Variants in WDR62 observed in about 807,000 individuals in gnomAD.
WDR62 encodes the protein WD repeat domain 62.
Under a neutral mutation model 160.6 loss-of-function variants are expected in WDR62, and 112 were observed. The observed-to-expected ratio is 0.70, with a 90% CI of 0.60 to 0.82. The LOEUF is 0.82. Ranked by LOEUF, WDR62 falls within the 40% of genes least tolerant of loss-of-function variation. WDR62 has a pLI of 0.00. For missense variants in WDR62, 1,819 were observed against 1,983.8 expected (o/e 0.92, Z 1.58); for synonymous variants, 792 against 815.1 (o/e 0.97, Z 0.48).
At chr19:36,057,245 A>T (rs1970418171) in intron 1 of WDR62, among the ~76,000 whole-genome samples, 1 of 152,228 alleles carries the variant, frequency 6.6e-6, no homozygotes. Flanking sequence ...CAACACTGGC[A>T]TATGGCAAGT....
intron 12 of WDR62, among the ~76,000 whole-genome samples, chr19:36,085,315 C>T (rs1433583087): frequency 1.3e-5 from 2 of 151,516 alleles, no homozygotes; most frequent in Non-Finnish European, 2.9e-5. Flanking sequence ...GGGGTTTCAC[C>T]ATGTTGGCCA....
chr19:36,084,800 A>G, intron 12 of WDR62, 56 bp downstream of exon 12: 1 of 1,538,178 alleles, frequency 6.5e-7, no homozygotes, highest in Non-Finnish European at 8.9e-7. Context: ...CCCCCCTGGC[A>G]GGGCCACAGA....
chr19:36,067,849 G>T lies in WDR62; in HGVS notation c.721G>T (p.Val241Leu). 1 of 1,614,176 alleles carries T rather than the reference G, an allele frequency of 6.2e-7. No homozygotes were observed. Among genetic ancestry groups the T allele is most frequent in the Non-Finnish European group, 8.5e-7 (1 of 1,180,044 alleles). The change falls in exon 7 of 32, where the codon GTA becomes TTA. Residue 241 changes from valine (V) to leucine (L), a missense_variant. Physicochemically the swap from Val to Leu is conservative, Grantham distance 32. This residue lies in a region of WDR62 where 934 missense variants were observed against 1,157.2 expected (regional missense o/e 0.81). Transcript: ENST00000401500. ...ETKVTSTVPL[V>L]GRSGILGELH... Reference sequence around the variant, plus strand: ...CCAGGTGACGAGCACAGTGCCCCTTGTAGGGCGCTCGGGCATCCTGGGCGA... The same window carrying T: ...CCAGGTGACGAGCACAGTGCCCCTTTTAGGGCGCTCGGGCATCCTGGGCGA...
rs1972601545 is a variant in WDR62 at position 36,091,429 on chromosome 19, A to G, written c.2174A>G (p.Tyr725Cys). Reference protein sequence around the residue: ...SEIITSMKFTYDCHHLITVSG... With the variant: ...SEIITSMKFTCDCHHLITVSG... ...ATTATTACCAGCATGAAGTTCACCTATGACTGTCATCACTTGATCACAGTA... is the reference window on the plus strand; with the variant it reads ...ATTATTACCAGCATGAAGTTCACCTGTGACTGTCATCACTTGATCACAGTA... The change falls in exon 18 of 32, where the codon TAT becomes TGT. Residue 725 changes from tyrosine (Y) to cysteine (C), a missense_variant. By Grantham distance (194) the Tyr-to-Cys change is radical. This residue lies in a region of WDR62 where 934 missense variants were observed against 1,157.2 expected (regional missense o/e 0.81). Transcript: ENST00000401500. 1.2e-6 allele frequency: 2 copies of G among 1,614,074 alleles called. No homozygotes were observed. The highest frequency in any genetic ancestry group is 1.1e-5 in the South Asian group (1 of 91,076).
In WDR62 at chr19:36,066,375, T is replaced by A. The variant is rs761010604; in HGVS notation, c.509T>A (p.Ile170Asn). The change falls in exon 5 of 32, where the codon ATC becomes AAC. Residue 170 changes from isoleucine (I) to asparagine (N), a missense_variant. Transcript: ENST00000401500. ...GCCTTCTCACCCAATATGAAGCACA[T>A]CGTGTCCATGGGCTACCAACATGAC... is the stretch of plus-strand genomic sequence containing the variant. Reference protein sequence around the residue: ...CVAFSPNMKHIVSMGYQHDMV... With the variant: ...CVAFSPNMKHNVSMGYQHDMV... 6.2e-7 allele frequency: 1 copy of A among 1,613,244 alleles called. No homozygotes were observed. The highest frequency in any genetic ancestry group is 1.1e-5 in the South Asian group (1 of 90,920).
At chr19:36,087,883 G>A (rs142229417) in intron 13 of WDR62, among the ~76,000 whole-genome samples, 197 of 152,314 alleles carry the variant, frequency 1.3e-3, no homozygotes, top group African/African-American at 4.5e-3. Flanking sequence ...ACAGTTCTTA[G>A]GAGCAAGGTT....
intron 19 of WDR62, among the ~76,000 whole-genome samples, chr19:36,093,063 C>T (rs1599823062): frequency 6.6e-6 from 1 of 152,206 alleles, no homozygotes; most frequent in South Asian, 2.1e-4. Flanking sequence ...TCTTGAACTC[C>T]TGGGCCCAAG....
rs774938876 is a variant in WDR62, at chr19:36,097,033, G to A, written c.2474G>A (p.Arg825His). 1.2e-5 allele frequency: 19 copies of A among 1,612,590 alleles called. No individual in the cohort carries two copies. Among genetic ancestry groups the A allele is most frequent in the South Asian group, 2.2e-5 (2 of 90,670 alleles). ...GGATTCTGTGTCTTTCCAGATCCTC[G>A]TTGCCTGCTAACCAACGGCAAGCTG... is the stretch of plus-strand genomic sequence containing the variant. ...PSKDSLDPDP[R>H]CLLTNGKLPL... The change falls in exon 21 of 32, where the codon CGT becomes CAT. Residue 825 changes from arginine to histidine, a missense_variant. Arg to His is a conservative substitution (Grantham distance 29). Around this residue, in one of 3 missense-constraint regions of WDR62, gnomAD observed 934 missense variants for 1,157.2 expected, o/e 0.81. Transcript: ENST00000401500.
intron 1 of WDR62, among the ~76,000 whole-genome samples, chr19:36,055,538 G>A (rs1817686540): frequency 6.6e-6 from 1 of 152,088 alleles, no homozygotes; most frequent in South Asian, 2.1e-4. Flanking sequence ...TCGAGGGTTC[G>A]GTCCAGAGTG....
Position 36,092,756 on chromosome 19 carries a change from G to A in WDR62, c.2278G>A (p.Asp760Asn), listed in dbSNP as rs770973744. Residue 760 changes from aspartate to asparagine, a missense_variant, in exon 19 of 32, where the codon GAC becomes AAC. Around this residue, in one of 3 missense-constraint regions of WDR62, gnomAD observed 934 missense variants for 1,157.2 expected, o/e 0.81. Transcript: ENST00000401500. ...CATGAAGCAGCACTTGCTGGAGATT[G>A]ACCACCGGCAGCAGCAGCAGCACAC... ...NCMKQHLLEI[D>N]HRQQQQHTND... The A allele has an allele frequency of 3.1e-6, 5 of 1,614,028 alleles. No homozygotes were observed. The highest frequency in any genetic ancestry group is 1.1e-5 in the South Asian group (1 of 91,068).
At chr19:36,085,433 T>TTTTTTTTTTTG (rs1972160722) in intron 12 of WDR62, among the ~76,000 whole-genome samples, 1 of 124,560 alleles carries the variant, frequency 8.0e-6, no homozygotes, top group Non-Finnish European at 1.7e-5. Flanking sequence ...TTTTTTTTTT[T>TTTTTTTTTTTG]TTTTGAGACA....
chr19:36,073,614 C>A, intron 9 of WDR62, 83 bp downstream of exon 9: 1 of 1,135,488 alleles, frequency 8.8e-7, no homozygotes, highest in Non-Finnish European at 1.3e-6. Context: ...GTAATTCCTT[C>A]AGAAGATACT....
At chr19:36,055,262 T>TCCCTGCCATGCCTCGTC (rs1456176239) in intron 1 of WDR62, 114 bp downstream of exon 1, 27 of 1,190,634 alleles carry the variant, frequency 2.3e-5, no homozygotes, top group African/African-American at 3.0e-5. Flanking sequence ...CTCAGGTTGT[T>TCCCTGCCATGCCTCGTC]CCCTGCCATG....
intron 10 of WDR62, chr19:36,081,935 A>G: frequency 2.1e-6 from 1 of 467,980 alleles, no homozygotes; most frequent in Non-Finnish European, 4.2e-6. Flanking sequence ...GCTGCCACAC[A>G]GTGAGGCCTC....
At chr19:36,102,212 G>A (rs1489768952) in intron 26 of WDR62, 61 bp downstream of exon 26, 4 of 1,612,752 alleles carry the variant, frequency 2.5e-6, no homozygotes, top group African/African-American at 1.3e-5. Flanking sequence ...CACAGCATTG[G>A]CGTCCCTGGA....
chr19:36,089,120 C>T lies in WDR62; in HGVS notation c.1836+15C>T. 1 of 1,613,972 alleles carries T rather than the reference C, an allele frequency of 6.2e-7. No individual in the cohort carries two copies. Among genetic ancestry groups the T allele is most frequent in the Non-Finnish European group, 8.5e-7 (1 of 1,179,980 alleles). On this transcript the variant is annotated intron_variant, in intron 14 of 31. Transcript: ENST00000401500. ...GTGCCCAGCAGGTAGGGTGGCATGG[C>T]CTCCTTGGGGGCTGGGGTGGGGGGT...
intron 13 of WDR62, among the ~76,000 whole-genome samples, chr19:36,087,800 CAA>C (rs945683888): frequency 2.6e-5 from 4 of 152,010 alleles, no homozygotes; most frequent in Non-Finnish European, 5.9e-5. Flanking sequence ...GTCTGGGTAA[CAA>C]GAGCAAAACT....
rs587784559 is a variant in WDR62 at position 36,103,439 on chromosome 19, G to T, written c.3611G>T (p.Gly1204Val). ...ACGCCCACATCTGCACCCACCCCAG[G>T]CCTGGCTCAGGGTGTCCATGCCCCC... ...LPTPTSAPTP[G>V]LAQGVHAPST... The change falls in exon 30 of 32, where the codon GGC becomes GTC. Residue 1204 changes from glycine (G) to valine (V), a missense_variant. By Grantham distance (109) the Gly-to-Val change is moderately radical. Around this residue, in one of 3 missense-constraint regions of WDR62, gnomAD observed 770 missense variants for 734.2 expected, o/e 1.05. Coordinates refer to ENST00000401500, the MANE Select transcript of WDR62 (RefSeq NM_001083961.2). 118 of 1,613,890 alleles carry T rather than the reference G, an allele frequency of 7.3e-5. No homozygotes were observed. The highest frequency in any genetic ancestry group is 9.7e-5 in the Non-Finnish European group (115 of 1,179,986).
intron 20 of WDR62, 125 bp from the exon 21 acceptor site, chr19:36,096,902 C>G: frequency 1.2e-6 from 1 of 829,416 alleles, no homozygotes; most frequent in Non-Finnish European, 2.1e-6. Flanking sequence ...TTCCCTAACC[C>G]CCGGTGCTGT....
Sources: gnomAD v4.1 joint callset for allele counts (sites outside exome capture counted in the v4.1 genomes callset) on GRCh38, gnomAD v4.1.1 for gene constraint, gnomAD v4.1.1 regional missense constraint, MANE v1.5 for transcripts, NCBI Gene and HGNC (gene_info 2026-07-23, HGNC 2026-07-21) for gene names.